The following LANCL3 variants were observed in gnomAD, a reference collection of about 807,000 sequenced individuals.
The protein encoded by LANCL3 is lanC-like protein 3.
A neutral mutation model predicts 26.5 loss-of-function variants in LANCL3; 19 were observed. That is an observed-to-expected ratio of 0.72 (90% CI 0.50 to 1.05). The LOEUF is 1.05. Ranked by LOEUF, LANCL3 falls within the 50% of genes least tolerant of loss-of-function variation. The probability of loss-of-function intolerance (pLI) is 0.00; values close to 1 mark genes in which losing one functional copy is unlikely to be tolerated. For missense variants in LANCL3, 318 were observed against 362.7 expected (o/e 0.88, Z 1.00); for synonymous variants, 160 against 166.6 (o/e 0.96, Z 0.30).
chrX:37,647,945 T>C (rs1306302683), intron 1 of LANCL3, among the ~76,000 whole-genome samples: 2 of 112,677 alleles, frequency 1.8e-5, no homozygotes, highest in African/African-American at 6.4e-5. Flanking sequence ...GATTAAGGTT[T>C]AAGAGGTAAA....
chrX:37,638,918 T>C (rs1925785334), intron 1 of LANCL3, among the ~76,000 whole-genome samples: 1 of 110,994 alleles, frequency 9.0e-6, no homozygotes, highest in African/African-American at 3.3e-5. Context: ...GTCTCACCTC[T>C]TTTTTCATTG....
rs202069139 is a variant in LANCL3 at position 37,576,910 on chromosome X, C to T, written c.573+4467C>T. Among the ~76,000 whole-genome samples, 784 of 111,857 alleles carry T rather than the reference C, an allele frequency of 7.0e-3. 13 individuals are homozygous for T. Among genetic ancestry groups the T allele is most frequent in the African/African-American group, 0.021 (660 of 30,721 alleles). On this transcript the variant is annotated intron_variant, in intron 1 of 4. Coordinates refer to ENST00000378619, the MANE Select transcript of LANCL3 (RefSeq NM_001170331.2). ...CCCCTAAGGTAGGAAATGACTTGGA[C>T]ATTTCAAAGAAATAGAAGGAGGCTA... is the stretch of plus-strand genomic sequence containing the variant.
intron 1 of LANCL3, among the ~76,000 whole-genome samples, chrX:37,588,997 A>G (rs1556418530): frequency 8.9e-6 from 1 of 111,837 alleles, no homozygotes; most frequent in African/African-American, 3.3e-5. Flanking sequence ...CACTGTTGGT[A>G]CCAGCTGAAT....
chrX:37,660,428 A>G (rs946896617), intron 3 of LANCL3, among the ~76,000 whole-genome samples: 1 of 111,796 alleles, frequency 8.9e-6, no homozygotes, highest in East Asian at 2.8e-4. Context: ...TCCCCAGTAA[A>G]CTCTGTGGAA....
chrX:37,643,681 TA>T (rs1420223249), intron 1 of LANCL3, among the ~76,000 whole-genome samples: 12 of 112,148 alleles, frequency 1.1e-4, no homozygotes, highest in Non-Finnish European at 3.8e-5. Context: ...GTTTATGAAT[TA>T]AAAGTTAGAA....
chrX:37,648,525 C>G (rs1926043957), intron 1 of LANCL3, among the ~76,000 whole-genome samples: 1 of 112,102 alleles, frequency 8.9e-6, no homozygotes, highest in South Asian at 3.7e-4. Flanking sequence ...AAAACCTAGA[C>G]AATACCATTC....
At chrX:37,600,026 A>G (rs2146725924) in intron 1 of LANCL3, among the ~76,000 whole-genome samples, 1 of 111,934 alleles carries the variant, frequency 8.9e-6, no homozygotes, top group African/African-American at 3.2e-5. Context: ...TATCCATGAC[A>G]TGCTTCCCAG....
chrX:37,632,277 C>T (rs1260407159), intron 1 of LANCL3, among the ~76,000 whole-genome samples: 7 of 111,332 alleles, frequency 6.3e-5, no homozygotes, highest in African/African-American at 2.3e-4. Context: ...GATTGCAACC[C>T]CTGCCTTTTT....
intron 1 of LANCL3, among the ~76,000 whole-genome samples, chrX:37,585,442 T>C (rs1362172620): frequency 4.5e-5 from 5 of 111,852 alleles, no homozygotes; most frequent in Non-Finnish European, 7.5e-5. Context: ...AGTGTCTTTC[T>C]AGGTCTCTAA....
chrX:37,622,416 A>C (rs1925191134), intron 1 of LANCL3, among the ~76,000 whole-genome samples: 1 of 108,189 alleles, frequency 9.2e-6, no homozygotes, highest in Non-Finnish European at 1.9e-5. Flanking sequence ...TGCAAACTCT[A>C]TCCCACTCTT....
At chrX:37,594,241 T>A (rs1556419283) in intron 1 of LANCL3, among the ~76,000 whole-genome samples, 1 of 112,251 alleles carries the variant, frequency 8.9e-6, no homozygotes, top group Admixed American at 9.4e-5. Flanking sequence ...TGCTTTCAAG[T>A]CATTGCAACC....
rs1258528999 is a variant in LANCL3 at position 37,679,433 on chromosome X, A to C, written c.*3620A>C. On this transcript the variant is annotated 3_prime_UTR_variant, in exon 5 of 5. Coordinates refer to ENST00000378619, the MANE Select transcript of LANCL3 (RefSeq NM_001170331.2). ...AGACTTACTACATGGGAATAGACTG[A>C]TTTAGCTCAGGAGCTCCTTTTAATG... is the stretch of plus-strand genomic sequence containing the variant. The C allele has an allele frequency of 8.9e-6, 1 of 111,865 alleles. No homozygotes were observed. The highest frequency in any genetic ancestry group is 2.8e-4 in the East Asian group (1 of 3,590). The allele number at this position is 111,865 out of a possible 1,213,427, so 9.2% of individuals were successfully genotyped here.
intron 1 of LANCL3, among the ~76,000 whole-genome samples, chrX:37,653,687 C>G (rs1469127102): frequency 9.0e-6 from 1 of 111,591 alleles, no homozygotes; most frequent in Non-Finnish European, 1.9e-5. Flanking sequence ...TTTTCAATAC[C>G]AAATGAAAAT....
At chrX:37,601,691 G>A (rs1924579849) in intron 1 of LANCL3, among the ~76,000 whole-genome samples, 1 of 112,072 alleles carries the variant, frequency 8.9e-6, no homozygotes, top group Admixed American at 9.5e-5. Context: ...TATGGTTGCA[G>A]ATAATGTGTG....
chrX:37,664,705 T>A lies in LANCL3; in HGVS notation c.896-2577T>A, dbSNP rs1926502957. On this transcript the variant is annotated intron_variant, in intron 3 of 4. Coordinates refer to ENST00000378619, the MANE Select transcript of LANCL3 (RefSeq NM_001170331.2). ...TACCGAATAGGTAGTTTTTCAACCCTTACCCTCTTCCTACCCTCCCTCCTC... is the reference window on the plus strand; with the variant it reads ...TACCGAATAGGTAGTTTTTCAACCCATACCCTCTTCCTACCCTCCCTCCTC... 2.7e-5 allele frequency among the ~76,000 whole-genome samples: 3 copies of A among 111,195 alleles called. No individual in the cohort carries two copies. In the South Asian group the frequency reaches 1.1e-3, roughly 42 times the overall value.
intron 1 of LANCL3, among the ~76,000 whole-genome samples, chrX:37,642,621 A>G (rs1925892682): frequency 8.9e-6 from 1 of 112,015 alleles, no homozygotes; most frequent in Non-Finnish European, 1.9e-5. Flanking sequence ...TGTATTATGA[A>G]ACAAAAAGCT....
At chrX:37,594,332 C>T (rs1183597118) in intron 1 of LANCL3, among the ~76,000 whole-genome samples, 1 of 112,025 alleles carries the variant, frequency 8.9e-6, no homozygotes, top group African/African-American at 3.2e-5. Context: ...CTTGCAATAT[C>T]TCCTCAAGTT....
At chrX:37,646,389 A>T (rs1432831037) in intron 1 of LANCL3, among the ~76,000 whole-genome samples, 1 of 112,295 alleles carries the variant, frequency 8.9e-6, no homozygotes, top group African/African-American at 3.2e-5. Context: ...CTGTCTTCTC[A>T]ATACCTTAAG....
At chrX:37,670,464 G>GATTTT (rs59284677) in intron 4 of LANCL3, among the ~76,000 whole-genome samples, 34,802 of 109,337 alleles carry the variant, frequency 0.32, 6,163 homozygotes, top group African/African-American at 0.69. Context: ...ATAATTTTAT[G>GATTTT]ATTTTAACAT....
Sources: gnomAD v4.1 joint callset for allele counts (sites outside exome capture counted in the v4.1 genomes callset) on GRCh38, gnomAD v4.1.1 for gene constraint, MANE v1.5 for transcripts, NCBI Gene and HGNC (gene_info 2026-07-23, HGNC 2026-07-21) for gene names.